Variants in GNG12 observed in about 807,000 individuals in gnomAD.
GNG12 encodes the protein guanine nucleotide-binding protein G(I)/G(S)/G(O) subunit gamma-12.
For synonymous variants in GNG12, 28 were observed against 29.7 expected (o/e 0.94, Z 0.19); for missense variants, 69 against 83.8 (o/e 0.82, Z 0.69).
intron 2 of GNG12, among the ~76,000 whole-genome samples, chr1:67,735,195 G>C (rs917479524): frequency 6.6e-6 from 1 of 152,134 alleles, no homozygotes; most frequent in African/African-American, 2.4e-5. Flanking sequence ...ATTGAAATGG[G>C]TTCCATGCCA....
chr1:67,832,330 A>T (rs1004792426), intron 1 of GNG12: 11 of 152,268 alleles, frequency 7.2e-5, no homozygotes, highest in African/African-American at 2.6e-4. Context: ...CACGCCCGGC[A>T]GGATGACCAC....
intron 1 of GNG12, among the ~76,000 whole-genome samples, chr1:67,827,775 AAAG>A (rs1647019848): frequency 6.6e-6 from 1 of 152,176 alleles, no homozygotes; most frequent in Non-Finnish European, 1.5e-5. Context: ...AGACCCATTA[AAAG>A]AAGACAAAAA....
chr1:67,760,805 G>A (rs534636669), intron 2 of GNG12, among the ~76,000 whole-genome samples: 1 of 152,282 alleles, frequency 6.6e-6, no homozygotes, highest in South Asian at 2.1e-4. Context: ...GACACGTCTC[G>A]ATCCTTGCAG....
chr1:67,711,468 G>A (rs1646295452), intron 2 of GNG12, among the ~76,000 whole-genome samples: 1 of 151,920 alleles, frequency 6.6e-6, no homozygotes, highest in South Asian at 2.1e-4. Context: ...GTGGCAACGA[G>A]TTATGGGAGG....
rs1021455752 is a variant in GNG12 at position 67,704,116 on chromosome 1, C to T, written c.*1335G>A. ...GGGCTACCCCCATACCTGGAAATTC[C>T]AAGAGTGTGAGGGCTATATTTGGGC... On this transcript the variant is annotated 3_prime_UTR_variant, in exon 4 of 4. Coordinates refer to ENST00000370982, the MANE Select transcript of GNG12 (RefSeq NM_018841.6). 19 of 152,172 alleles carry T rather than the reference C, an allele frequency of 1.2e-4. No homozygotes were observed. Among genetic ancestry groups the T allele is most frequent in the African/African-American group, 3.4e-4 (14 of 41,442 alleles). The allele number at this position is 152,172 out of a possible 1,614,324, so 9.4% of individuals were successfully genotyped here.
chr1:67,825,379 C>A (rs1200146796), intron 1 of GNG12, among the ~76,000 whole-genome samples: 2 of 152,260 alleles, frequency 1.3e-5, no homozygotes, highest in East Asian at 3.9e-4. Flanking sequence ...GAAGTATGAA[C>A]CAGCACCTTG....
chr1:67,715,643 G>A (rs964246046), intron 2 of GNG12, among the ~76,000 whole-genome samples: 9 of 152,134 alleles, frequency 5.9e-5, no homozygotes, highest in African/African-American at 2.2e-4. Context: ...GGCACCCGTG[G>A]GCAGTTCTGC....
At chr1:67,758,554 T>A (rs181011098) in intron 2 of GNG12, among the ~76,000 whole-genome samples, 124 of 152,324 alleles carry the variant, frequency 8.1e-4, no homozygotes, top group Middle Eastern at 3.4e-3. Flanking sequence ...GGCTGCTATA[T>A]GCACACTGGA....
intron 1 of GNG12, among the ~76,000 whole-genome samples, chr1:67,794,845 C>T (rs1452071958): frequency 6.6e-6 from 1 of 152,170 alleles, no homozygotes; most frequent in African/African-American, 2.4e-5. Flanking sequence ...CCAGAGTGGT[C>T]GCTCCATCCA....
chr1:67,706,162 T>C (rs768992624), intron 3 of GNG12, among the ~76,000 whole-genome samples: 6 of 152,256 alleles, frequency 3.9e-5, no homozygotes, highest in Non-Finnish European at 5.9e-5. Flanking sequence ...TAAATGTTTG[T>C]TGTTACAACT....
chr1:67,759,818 G>GGGTCCCA (rs969734901), intron 2 of GNG12, among the ~76,000 whole-genome samples: 16 of 152,196 alleles, frequency 1.1e-4, no homozygotes, highest in African/African-American at 3.9e-4. Flanking sequence ...CCTCCACTCT[G>GGGTCCCA]GGTCCCAGTC....
chr1:67,757,383 C>A (rs1004503915), intron 2 of GNG12, among the ~76,000 whole-genome samples: 3 of 152,152 alleles, frequency 2.0e-5, no homozygotes, highest in Non-Finnish European at 2.9e-5. Flanking sequence ...GCAGGAAGCA[C>A]CACTCTAGAC....
chr1:67,748,904 T>C (rs1391516875), intron 2 of GNG12, among the ~76,000 whole-genome samples: 1 of 152,096 alleles, frequency 6.6e-6, no homozygotes, highest in Non-Finnish European at 1.5e-5. Context: ...CACGCATTCT[T>C]CCATAACACA....
At chr1:67,769,574 T>C (rs1237890267) in intron 2 of GNG12, among the ~76,000 whole-genome samples, 2 of 152,144 alleles carry the variant, frequency 1.3e-5, no homozygotes, top group African/African-American at 4.8e-5. Flanking sequence ...GTCATGAGCA[T>C]GAGAAATGGC....
chr1:67,792,017 C>CACTGCAG (rs1276811147), intron 1 of GNG12, among the ~76,000 whole-genome samples: 2 of 152,184 alleles, frequency 1.3e-5, no homozygotes, highest in Admixed American at 1.3e-4. Context: ...TTCTCACAGA[C>CACTGCAG]ACTGCAGGCC....
chr1:67,793,828 T>C (rs1646815059), intron 1 of GNG12, among the ~76,000 whole-genome samples: 1 of 152,228 alleles, frequency 6.6e-6, no homozygotes, highest in African/African-American at 2.4e-5. Flanking sequence ...CTCACTTTGT[T>C]GGGGAAGTAT....
intron 2 of GNG12, among the ~76,000 whole-genome samples, chr1:67,768,346 C>T (rs1043907416): frequency 6.6e-6 from 1 of 152,126 alleles, no homozygotes; most frequent in South Asian, 2.1e-4. Context: ...TGCCATGCTG[C>T]CTCAGCAGCC....
chr1:67,757,828 G>A (rs1172699260), intron 2 of GNG12, among the ~76,000 whole-genome samples: 1 of 152,202 alleles, frequency 6.6e-6, no homozygotes, highest in East Asian at 1.9e-4. Context: ...AGGACACTGG[G>A]GAGTGTTGGG....
At chr1:67,720,068 T>C (rs1032870455) in intron 2 of GNG12, among the ~76,000 whole-genome samples, 3 of 152,224 alleles carry the variant, frequency 2.0e-5, no homozygotes, top group African/African-American at 7.2e-5. Context: ...ATACTGACTG[T>C]TCTGAGCCCA....
Sources: gnomAD v4.1 joint callset for allele counts (sites outside exome capture counted in the v4.1 genomes callset) on GRCh38, gnomAD v4.1.1 for gene constraint, MANE v1.5 for transcripts, NCBI Gene and HGNC (gene_info 2026-07-23, HGNC 2026-07-21) for gene names.